Variants in FBXL7 observed in about 807,000 individuals in gnomAD.
The protein encoded by FBXL7 is F-box and leucine rich repeat protein 7.
A neutral mutation model predicts 38.3 loss-of-function variants in FBXL7; 12 were observed. That is an observed-to-expected ratio of 0.31 (90% CI 0.20 to 0.51). The LOEUF (loss-of-function observed/expected upper bound fraction) is 0.51. Among genes scored for constraint, FBXL7 ranks in the 20% least tolerant of loss-of-function variants. The pLI is 0.98. For missense variants in FBXL7, 567 were observed against 676.4 expected, an observed-to-expected ratio of 0.84 and a Z score of 1.79; for synonymous variants, 297 against 300.9, an observed-to-expected ratio of 0.99 and a Z score of 0.13.
intron 1 of FBXL7, chr5:15,501,632 A>G: frequency 3.0e-6 from 3 of 985,540 alleles, no homozygotes; most frequent in Non-Finnish European, 3.6e-6. Flanking sequence ...CAGCGCTTGC[A>G]GACTGGTAGG....
chr5:15,515,550 T>G (rs992813333), intron 1 of FBXL7, among the ~76,000 whole-genome samples: 3 of 152,222 alleles, frequency 2.0e-5, no homozygotes, highest in Non-Finnish European at 4.4e-5. Flanking sequence ...GATTGTCTGC[T>G]GTGCTTTGAA....
intron 1 of FBXL7, among the ~76,000 whole-genome samples, chr5:15,581,358 T>C (rs1739133790): frequency 6.6e-6 from 1 of 152,120 alleles, no homozygotes; most frequent in Admixed American, 6.5e-5. Context: ...CCGCCCATCC[T>C]CCATCTCCCC....
rs55752648 is a variant in FBXL7, at chr5:15,726,691, A to AAAATAAATAAATAAAT, written c.127+110643_127+110658dup. Among the ~76,000 whole-genome samples the AAAATAAATAAATAAAT allele has an allele frequency of 5.3e-3, 752 of 141,420 alleles. 3 individuals carry two copies. Among genetic ancestry groups the AAAATAAATAAATAAAT allele is most frequent in the African/African-American group, 0.013 (500 of 38,064 alleles). The allele number at this position is 141,420 out of a possible 152,430, so 92.8% of individuals were successfully genotyped here. A position where few individuals can be genotyped will look rare whatever the true frequency, so the allele number is the denominator to read the frequency against. ...GGGTGACAGAGCAAGACTCCATCTC[A>AAAATAAATAAATAAAT]AAATAAATAAATAAATAAATAAATA... On this transcript the variant is annotated intron_variant, in intron 2 of 3. Transcript: ENST00000504595.
chr5:15,830,777 GA>G (rs1316993447), intron 2 of FBXL7, among the ~76,000 whole-genome samples: 3 of 152,110 alleles, frequency 2.0e-5, no homozygotes, highest in Admixed American at 6.5e-5. Context: ...GCTCCCTATT[GA>G]CTGTGCCCAA....
At chr5:15,656,365 A>G (rs771402073) in intron 2 of FBXL7, among the ~76,000 whole-genome samples, 8 of 152,210 alleles carry the variant, frequency 5.3e-5, no homozygotes, top group Non-Finnish European at 8.8e-5. Flanking sequence ...AGAAAGGTTT[A>G]ATTGGACTTA....
intron 2 of FBXL7, among the ~76,000 whole-genome samples, chr5:15,906,566 G>A (rs1160347856): frequency 1.4e-5 from 2 of 141,286 alleles, no homozygotes; most frequent in East Asian, 2.1e-4. Context: ...TGCATATTGT[G>A]CAGATTAGTT....
chr5:15,931,857 G>A (rs186048896), intron 3 of FBXL7, among the ~76,000 whole-genome samples: 18 of 152,108 alleles, frequency 1.2e-4, no homozygotes, highest in Admixed American at 9.2e-4. Flanking sequence ...ACTTTTCATT[G>A]CTTAAACTCC....
chr5:15,800,124 GAAAC>G (rs1429770661), intron 2 of FBXL7, among the ~76,000 whole-genome samples: 3 of 152,120 alleles, frequency 2.0e-5, no homozygotes, highest in Non-Finnish European at 4.4e-5. Context: ...AGCACACAAT[GAAAC>G]AGAGACTATG....
intron 2 of FBXL7, among the ~76,000 whole-genome samples, chr5:15,860,011 A>C (rs1739410035): frequency 6.6e-6 from 1 of 152,232 alleles, no homozygotes; most frequent in Admixed American, 6.5e-5. Flanking sequence ...CAGAAAATGC[A>C]GATCAACATC....
In FBXL7 at chr5:15,568,136, G is replaced by T. The variant is rs1308410525; in HGVS notation, c.38-47847G>T. 3.9e-5 allele frequency among the ~76,000 whole-genome samples: 6 copies of T among 152,074 alleles called. No individual in the cohort carries two copies. The East Asian group carries it at 1.2e-3, about 30-fold the overall frequency. Reference sequence around the variant, plus strand: ...CAGTAATGGGATTGCTGGGTCAAATGGTATTTCTAGTTCTAGATCCCTGAG... The same window carrying T: ...CAGTAATGGGATTGCTGGGTCAAATTGTATTTCTAGTTCTAGATCCCTGAG... On this transcript the variant is annotated intron_variant, in intron 1 of 3. Transcript: ENST00000504595.
At chr5:15,764,583 A>T (rs547579037) in intron 2 of FBXL7, among the ~76,000 whole-genome samples, 2 of 152,344 alleles carry the variant, frequency 1.3e-5, no homozygotes, top group East Asian at 1.9e-4. Context: ...GGGGGGCTTA[A>T]GAACAGGAGC....
intron 2 of FBXL7, among the ~76,000 whole-genome samples, chr5:15,633,971 G>A (rs1741087805): frequency 6.6e-6 from 1 of 151,166 alleles, no homozygotes; most frequent in Admixed American, 6.6e-5. Flanking sequence ...AGTAGAGATG[G>A]GGTTTTACCA....
chr5:15,885,777 C>T (rs1414726252), intron 2 of FBXL7, among the ~76,000 whole-genome samples: 1 of 152,106 alleles, frequency 6.6e-6, no homozygotes, highest in Non-Finnish European at 1.5e-5. Context: ...GGTGTGATCA[C>T]GGCTCACCAC....
intron 2 of FBXL7, among the ~76,000 whole-genome samples, chr5:15,821,757 A>G (rs1030694388): frequency 1.3e-5 from 2 of 152,214 alleles, no homozygotes; most frequent in African/African-American, 2.4e-5. Context: ...GCCCTCACTC[A>G]TCCCCACCAA....
At chr5:15,811,692 C>T (rs1737865069) in intron 2 of FBXL7, among the ~76,000 whole-genome samples, 1 of 151,840 alleles carries the variant, frequency 6.6e-6, no homozygotes, top group African/African-American at 2.4e-5. Flanking sequence ...TGAGCAGACA[C>T]TTCGCAAAAG....
chr5:15,518,131 C>T (rs185664609), intron 1 of FBXL7, among the ~76,000 whole-genome samples: 17 of 152,238 alleles, frequency 1.1e-4, no homozygotes, highest in African/African-American at 4.1e-4. Flanking sequence ...CCTGGGATTA[C>T]AGGCCCACAC....
intron 2 of FBXL7, among the ~76,000 whole-genome samples, chr5:15,824,559 A>G (rs1340269034): frequency 1.3e-5 from 2 of 152,174 alleles, no homozygotes; most frequent in Non-Finnish European, 2.9e-5. Context: ...TAGAAAAAAA[A>G]AAGGTTTTCT....
In FBXL7 at chr5:15,500,453, G is replaced by T; in HGVS notation, c.-224G>T. ...CCCAGCGCGGATTGTAAGTGCTGCA[G>T]CTGTGCCCGGCCCCGCCTGGAGCCA... On this transcript the variant is annotated 5_prime_UTR_variant, in exon 1 of 4. Coordinates refer to ENST00000504595, the MANE Select transcript of FBXL7 (RefSeq NM_012304.5). The T allele has an allele frequency of 1.7e-6, 1 of 586,290 alleles. No individual in the cohort carries two copies. The highest frequency in any genetic ancestry group is 3.0e-6 in the Non-Finnish European group (1 of 335,314). The allele number at this position is 586,290 out of a possible 1,614,324, so 36.3% of individuals were successfully genotyped here.
At chr5:15,567,548 T>G (rs568400825) in intron 1 of FBXL7, among the ~76,000 whole-genome samples, 6 of 152,068 alleles carry the variant, frequency 3.9e-5, no homozygotes, top group African/African-American at 1.4e-4. Flanking sequence ...TAATTTTCAC[T>G]GAGAACCTTT....
Sources: gnomAD v4.1 joint callset for allele counts (sites outside exome capture counted in the v4.1 genomes callset) on GRCh38, gnomAD v4.1.1 for gene constraint, MANE v1.5 for transcripts, NCBI Gene and HGNC (gene_info 2026-07-23, HGNC 2026-07-21) for gene names.